RAD51B: variants seen among roughly 807,000 people sequenced by gnomAD.
RAD51B encodes the protein RAD51 paralog B.
RAD51B carries 38 observed loss-of-function variants against 42.2 expected under a neutral mutation model. The ratio of observed to expected loss-of-function variants is 0.90; its 90% CI spans 0.70 to 1.18. The LOEUF is 1.18. Among genes scored for constraint, RAD51B ranks in the 50% most tolerant of loss-of-function variants. RAD51B has a pLI of 0.00. For synonymous variants in RAD51B, 154 were observed against 145.2 expected (o/e 1.06, Z -0.43); for missense variants, 373 against 400.7 (o/e 0.93, Z 0.59).
chr14:68,291,863 C>T (rs201925975), intron 7 of RAD51B, 21 bp from the exon 8 acceptor site: 1 of 1,586,800 alleles, frequency 6.3e-7, no homozygotes, highest in East Asian at 2.2e-5. Flanking sequence ...CCCCCTACCC[C>T]TTCTCCCTGT....
chr14:67,835,576 T>TCA (rs2041213017), intron 4 of RAD51B, among the ~76,000 whole-genome samples: 1 of 135,442 alleles, frequency 7.4e-6, no homozygotes, highest in African/African-American at 2.7e-5. Flanking sequence ...TACACATATG[T>TCA]CATATATGTA....
At chr14:68,492,771 A>G (rs1397754087) in intron 10 of RAD51B, among the ~76,000 whole-genome samples, 1 of 152,112 alleles carries the variant, frequency 6.6e-6, no homozygotes, top group East Asian at 1.9e-4. Flanking sequence ...GAAACTGTCA[A>G]CCCTTCTACC....
At position 68,507,408 on chromosome 14, in the gene RAD51B, G is replaced by A. The variant is rs984018546; in HGVS notation, c.1036+39158G>A. On this transcript the variant is annotated intron_variant, in intron 10 of 10. Transcript: ENST00000487270. ...GCTTTATTCTGGCTCAGCTTTGTTT[G>A]GTAGCACAGAAGGGTAGAGTTTGAC... Among the ~76,000 whole-genome samples, 6 of 152,218 alleles carry A rather than the reference G, an allele frequency of 3.9e-5. No individual in the cohort carries two copies. The East Asian group carries it at 1.2e-3, about 29-fold the overall frequency.
intron 7 of RAD51B, among the ~76,000 whole-genome samples, chr14:68,095,971 C>CAAAAA (rs56862052): frequency 8.3e-4 from 52 of 62,550 alleles, no homozygotes; most frequent in East Asian, 9.7e-4. Context: ...GACTCCGTCT[C>CAAAAA]AAAAAAAAAA....
intron 7 of RAD51B, among the ~76,000 whole-genome samples, chr14:68,109,184 T>C (rs1352134311): frequency 6.6e-6 from 1 of 152,004 alleles, no homozygotes; most frequent in Non-Finnish European, 1.5e-5. Flanking sequence ...TCTCTATTAT[T>C]CATGGCATTT....
intron 7 of RAD51B, among the ~76,000 whole-genome samples, chr14:68,069,995 G>A (rs1172887681): frequency 6.6e-6 from 1 of 152,040 alleles, no homozygotes; most frequent in African/African-American, 2.4e-5. Context: ...ATGTGAAATG[G>A]TATTTCACTG....
intron 5 of RAD51B, 116 bp from the exon 6 acceptor site, chr14:67,885,753 T>C: frequency 1.5e-6 from 2 of 1,355,256 alleles, no homozygotes; most frequent in Non-Finnish European, 2.0e-6. Context: ...ATTTTGCTTA[T>C]ACCTGCTCTA....
chr14:67,823,495 T>C (rs1315418019), intron 1 of RAD51B, 47 bp from the exon 2 acceptor site: 3 of 1,534,928 alleles, frequency 2.0e-6, no homozygotes, highest in Non-Finnish European at 1.8e-6. Context: ...TTATGTTATA[T>C]TCTGTTGTTT....
chr14:68,010,015 G>A (rs1424685692), intron 7 of RAD51B, among the ~76,000 whole-genome samples: 1 of 151,746 alleles, frequency 6.6e-6, no homozygotes, highest in East Asian at 1.9e-4. Context: ...ACTGCCACCT[G>A]TTTTGTGAAC....
intron 9 of RAD51B, among the ~76,000 whole-genome samples, chr14:68,429,930 T>G (rs566519761): frequency 3.5e-4 from 54 of 152,328 alleles, no homozygotes; most frequent in African/African-American, 1.0e-3. Context: ...TTGTACAAGG[T>G]GTATGGAAGG....
chr14:67,922,190 C>T (rs1258939448), intron 7 of RAD51B, among the ~76,000 whole-genome samples: 1 of 152,168 alleles, frequency 6.6e-6, no homozygotes, highest in Admixed American at 6.5e-5. Flanking sequence ...CTCTCCCTTG[C>T]CTTCTCTTAG....
In RAD51B at chr14:68,285,766, C is replaced by T. The variant is rs572516356; in HGVS notation, c.757-6118C>T. ...TGCTTCGTGAATCCTCTAGCCCAGC[C>T]TACCCCTTCAACTCTGTTGCACAGA... On this transcript the variant is annotated intron_variant, in intron 7 of 10. Transcript: ENST00000471583. Among the ~76,000 whole-genome samples, 15 of 152,308 alleles carry T rather than the reference C, an allele frequency of 9.8e-5. No individual in the cohort carries two copies. In the East Asian group the frequency reaches 2.7e-3, roughly 27 times the overall value.
intron 11 of RAD51B, among the ~76,000 whole-genome samples, chr14:68,671,020 G>GC (rs1020852112): frequency 3.9e-5 from 6 of 152,060 alleles, no homozygotes; most frequent in Non-Finnish European, 7.4e-5. Flanking sequence ...TCTGCTGCTG[G>GC]CCCCCCCAAG....
chr14:68,423,603 C>G (rs1042191032), intron 9 of RAD51B, among the ~76,000 whole-genome samples: 1 of 152,216 alleles, frequency 6.6e-6, no homozygotes, highest in African/African-American at 2.4e-5. Context: ...TACATACACT[C>G]CCTCTTTTAT....
chr14:68,232,366 A>C (rs765247107), intron 7 of RAD51B, among the ~76,000 whole-genome samples: 9 of 149,992 alleles, frequency 6.0e-5, no homozygotes, highest in Non-Finnish European at 1.2e-4. Context: ...ACTGGCAAAA[A>C]GAAAAAAAAA....
intron 7 of RAD51B, among the ~76,000 whole-genome samples, chr14:68,240,557 G>A (rs566561306): frequency 3.9e-5 from 6 of 152,194 alleles, no homozygotes; most frequent in Admixed American, 2.6e-4. Context: ...TGCTAGTAGA[G>A]TAAGATAAAG....
intron 8 of RAD51B, among the ~76,000 whole-genome samples, chr14:68,358,611 TA>T (rs2082955898): frequency 6.6e-6 from 1 of 152,218 alleles, no homozygotes; most frequent in Non-Finnish European, 1.5e-5. Context: ...CTTTGATTAC[TA>T]GTGAGATGAA....
At chr14:68,003,233 A>G (rs1234923234) in intron 7 of RAD51B, among the ~76,000 whole-genome samples, 3 of 152,142 alleles carry the variant, frequency 2.0e-5, no homozygotes, top group African/African-American at 7.2e-5. Context: ...CTCCTTGAAG[A>G]GGTCCTTCAC....
chr14:68,555,178 G>A (rs1888774265), intron 10 of RAD51B, among the ~76,000 whole-genome samples: 1 of 152,204 alleles, frequency 6.6e-6, no homozygotes, highest in African/African-American at 2.4e-5. Context: ...CACTAGCACA[G>A]TGACTCACTC....
Sources: allele counts gnomAD v4.1 joint callset (sites outside exome capture counted in the v4.1 genomes callset), GRCh38; gene constraint gnomAD v4.1.1; transcripts MANE v1.5; gene names NCBI Gene and HGNC (gene_info 2026-07-23, HGNC 2026-07-21).